PIKFYVE: variants seen among roughly 807,000 people sequenced by gnomAD.
PIKFYVE encodes phosphoinositide kinase, FYVE-type zinc finger containing.
A neutral mutation model predicts 257.9 loss-of-function variants in PIKFYVE; 122 were observed. The observed-to-expected ratio is 0.47, with a 90% CI of 0.41 to 0.55. PIKFYVE has a LOEUF of 0.55. PIKFYVE is among the 20% of genes least tolerant of loss of function. The pLI, the probability that PIKFYVE is intolerant of heterozygous loss-of-function variation, is 0.00. For missense variants in PIKFYVE, 2,160 were observed against 2,536.6 expected, an observed-to-expected ratio of 0.85 and a Z score of 3.19; for synonymous variants, 892 against 868.9, an observed-to-expected ratio of 1.03 and a Z score of -0.47.
In PIKFYVE at chr2:208,324,286, A is replaced by C. The variant is rs1313175641; in HGVS notation, c.2331+4A>C. ...TTTGGTCATTAATGTAAAGTCAGTG[A>C]GTGTTTTTAATTTTCTATTGTATTT... On this transcript the variant is annotated splice_donor_region_variant and intron_variant, in intron 18 of 41. Coordinates refer to ENST00000264380, the MANE Select transcript of PIKFYVE (RefSeq NM_015040.4). 1.2e-6 allele frequency: 2 copies of C among 1,613,288 alleles called. No individual in the cohort carries two copies. The highest frequency in any genetic ancestry group is 4.5e-5 in the East Asian group (2 of 44,836).
intron 28 of PIKFYVE, among the ~76,000 whole-genome samples, chr2:208,337,242 G>C (rs1698223045): frequency 1.3e-5 from 2 of 152,072 alleles, no homozygotes; most frequent in Non-Finnish European, 2.9e-5. Context: ...GAGTATAATA[G>C]GGTGCTCATT....
intron 27 of PIKFYVE, 24 bp from the exon 28 acceptor site, chr2:208,336,814 T>C: frequency 2.7e-6 from 4 of 1,493,422 alleles, no homozygotes; most frequent in Non-Finnish European, 3.7e-6. Flanking sequence ...CATATATATA[T>C]ATATTTTTTG....
At chr2:208,308,376 C>T (rs959135472) in intron 12 of PIKFYVE, among the ~76,000 whole-genome samples, 20 of 147,016 alleles carry the variant, frequency 1.4e-4, no homozygotes, top group Non-Finnish European at 2.5e-4. Context: ...AGTCCAGCCT[C>T]GGTGACAGAG....
At chr2:208,338,156 G>A (rs777737161) in intron 28 of PIKFYVE, among the ~76,000 whole-genome samples, 1 of 152,000 alleles carries the variant, frequency 6.6e-6, no homozygotes, top group South Asian at 2.1e-4. Flanking sequence ...TATTTAGCTA[G>A]ACATTAAAGA....
In PIKFYVE at chr2:208,302,883, C is replaced by G. The variant is rs1693869050; in HGVS notation, c.1320+530C>G. ...TCACCTGAGGTCAGGAGATCGAGAC[C>G]ATCCTGGCTAACATGGTGAAATCCC... is the stretch of plus-strand genomic sequence containing the variant. On this transcript the variant is annotated intron_variant, in intron 10 of 41. Coordinates refer to ENST00000264380, the MANE Select transcript of PIKFYVE (RefSeq NM_015040.4). Among the ~76,000 whole-genome samples, 3 of 152,046 alleles carry G rather than the reference C, an allele frequency of 2.0e-5. No homozygotes were observed. The South Asian group carries it at 6.2e-4, about 32-fold the overall frequency.
chr2:208,330,457 A>C (rs1697410641), intron 22 of PIKFYVE, 66 bp from the exon 23 acceptor site: 1 of 1,588,022 alleles, frequency 6.3e-7, no homozygotes, highest in Admixed American at 1.7e-5. Flanking sequence ...GTCATGCTGC[A>C]CTTTGACAGT....
intron 35 of PIKFYVE, 146 bp downstream of exon 35, chr2:208,348,169 G>A: frequency 9.3e-7 from 1 of 1,073,422 alleles, no homozygotes; most frequent in Non-Finnish European, 1.4e-6. Flanking sequence ...GTGGTAGAGT[G>A]GAAAAAGCAT....
chr2:208,312,214 C>T, intron 12 of PIKFYVE, 22 bp from the exon 13 acceptor site: 1 of 1,587,822 alleles, frequency 6.3e-7, no homozygotes, highest in East Asian at 2.2e-5. Context: ...TTCCTCCTCT[C>T]TGTTGTCTCC....
chr2:208,302,267 G>A lies in PIKFYVE; in HGVS notation c.1234G>A (p.Ala412Thr). ...GGCACAAGCTATAGCAATTGGACAA[G>A]CAATGGTTGATGGACGTTGGCTGGA... ...TRAQAIAIGQ[A>T]MVDGRWLDCV... The change falls in exon 10 of 42, where the codon GCA (alanine) becomes ACA (threonine). Residue 412 changes from alanine to threonine, a missense_variant. Physicochemically the swap from Ala to Thr is moderately conservative, Grantham distance 58 (BLOSUM62 0). Around this residue, in one of 12 missense-constraint regions of PIKFYVE, gnomAD observed 90 missense variants for 110.6 expected, o/e 0.81. Transcript: ENST00000264380. 1.2e-6 allele frequency: 2 copies of A among 1,614,082 alleles called. No homozygotes were observed. Among genetic ancestry groups the A allele is most frequent in the Non-Finnish European group, 1.7e-6 (2 of 1,179,964 alleles).
chr2:208,318,106 G>A (rs896971644), intron 16 of PIKFYVE, among the ~76,000 whole-genome samples, 165 bp downstream of exon 16: 1 of 152,206 alleles, frequency 6.6e-6, no homozygotes, highest in African/African-American at 2.4e-5. Context: ...ATTTCCCAGA[G>A]CTGAGGATGA....
chr2:208,278,912 A>G (rs915527445), intron 5 of PIKFYVE, among the ~76,000 whole-genome samples: 2 of 152,224 alleles, frequency 1.3e-5, no homozygotes, highest in Non-Finnish European at 2.9e-5. Context: ...TCCTTTGGAT[A>G]TATACCCAGT....
chr2:208,332,254 C>A (rs961252235), intron 23 of PIKFYVE, among the ~76,000 whole-genome samples: 1 of 152,032 alleles, frequency 6.6e-6, no homozygotes, highest in Non-Finnish European at 1.5e-5. Context: ...TCAGTAAAAT[C>A]TCTTTAAAAT....
intron 39 of PIKFYVE, among the ~76,000 whole-genome samples, chr2:208,353,204 C>T (rs1265492300): frequency 1.3e-5 from 2 of 152,176 alleles, no homozygotes; most frequent in African/African-American, 2.4e-5. Context: ...AGATAAGGAA[C>T]GTGTGCTAGA....
In PIKFYVE at chr2:208,298,762, G is replaced by A; in HGVS notation, c.1033G>A (p.Glu345Lys). The change falls in exon 8 of 42, where the codon GAA becomes AAA. Residue 345 changes from glutamate (E) to lysine (K), a missense_variant. Glu to Lys is a moderately conservative substitution (Grantham distance 56). This residue lies in a region of PIKFYVE where 187 missense variants were observed against 185.6 expected (regional missense o/e 1.01). Coordinates refer to ENST00000264380, the MANE Select transcript of PIKFYVE (RefSeq NM_015040.4). ...TGTTAGGACAGAGACCACTGAGGAT[G>A]AACGCAAAATTCTTCTGGTACTGGT... ...TYVRTETTED[E>K]RKILLDSVQL... 1 of 1,614,118 alleles carries A rather than the reference G, an allele frequency of 6.2e-7. No individual in the cohort carries two copies. The highest frequency in any genetic ancestry group is 8.5e-7 in the Non-Finnish European group (1 of 1,179,982).
intron 7 of PIKFYVE, among the ~76,000 whole-genome samples, chr2:208,295,958 G>A (rs781614540): frequency 7.2e-5 from 11 of 152,164 alleles, no homozygotes; most frequent in Non-Finnish European, 1.6e-4. Flanking sequence ...ATTCTACTCT[G>A]AAAAGCTTTC....
At position 208,324,923 on chromosome 2, in the gene PIKFYVE, C is replaced by T. The variant is rs992128517; in HGVS notation, c.2344C>T (p.Arg782Ter). 1.9e-6 allele frequency: 3 copies of T among 1,613,786 alleles called. No individual in the cohort carries two copies. The highest frequency in any genetic ancestry group is 1.3e-5 in the African/African-American group (1 of 74,894). ...VINVKSQVLERISRMTQGDLV... is the reference protein window; with the variant it reads ...VINVKSQVLE ...TTCTGTTTTGTAGCAAGTTTTGGAACGAATCAGTCGAATGACCCAAGGTGA... is the reference window on the plus strand; with the variant it reads ...TTCTGTTTTGTAGCAAGTTTTGGAATGAATCAGTCGAATGACCCAAGGTGA... The change falls in exon 19 of 42, where the codon CGA (arginine) becomes TGA (stop). Residue 782 changes from arginine (R) to a stop codon, truncating the protein, a stop_gained. Coordinates refer to ENST00000264380, the MANE Select transcript of PIKFYVE (RefSeq NM_015040.4). LOFTEE classifies it high-confidence loss of function.
At chr2:208,285,985 G>T in intron 6 of PIKFYVE, 52 bp downstream of exon 6, 1 of 1,550,558 alleles carries the variant, frequency 6.4e-7, no homozygotes, top group Non-Finnish European at 8.9e-7. Flanking sequence ...ATCGATAGTT[G>T]TCTGACCTTT....
At chr2:208,297,089 T>C (rs1693084542) in intron 7 of PIKFYVE, among the ~76,000 whole-genome samples, 1 of 152,198 alleles carries the variant, frequency 6.6e-6, no homozygotes, top group Non-Finnish European at 1.5e-5. Context: ...GAATTAATGC[T>C]AAGACTGATG....
chr2:208,336,962 C>G (rs1273518523), intron 28 of PIKFYVE, 34 bp downstream of exon 28: 1 of 1,471,624 alleles, frequency 6.8e-7, no homozygotes. Context: ...GGTCCTTAAT[C>G]AATAGAAATA....
Sources: gnomAD v4.1 joint callset for allele counts (sites outside exome capture counted in the v4.1 genomes callset) on GRCh38, gnomAD v4.1.1 for gene constraint, gnomAD v4.1.1 regional missense constraint, MANE v1.5 for transcripts, NCBI Gene and HGNC (gene_info 2026-07-23, HGNC 2026-07-21) for gene names.